Variants in FAM107B observed in about 807,000 individuals in gnomAD.
FAM107B encodes family with sequence similarity 107 member B.
Under a neutral mutation model 31.5 loss-of-function variants are expected in FAM107B, and 21 were observed. The ratio of observed to expected loss-of-function variants is 0.67; its 90% CI spans 0.47 to 0.96. The LOEUF (loss-of-function observed/expected upper bound fraction) is 0.96. Ranked by LOEUF, FAM107B falls within the 40% of genes least tolerant of loss-of-function variation. FAM107B has a pLI of 0.00. For synonymous variants in FAM107B, 157 were observed against 141.5 expected (o/e 1.11, Z -0.78); for missense variants, 452 against 377.1 (o/e 1.20, Z -1.64).
intron 2 of FAM107B, among the ~76,000 whole-genome samples, chr10:14,648,338 A>T (rs751822519): frequency 2.0e-5 from 3 of 152,238 alleles, no homozygotes; most frequent in Non-Finnish European, 4.4e-5. Flanking sequence ...AGGCAGCATG[A>T]ACGAGGGGAA....
At chr10:14,527,470 C>T (rs1158616106) in intron 3 of FAM107B, among the ~76,000 whole-genome samples, 1 of 152,238 alleles carries the variant, frequency 6.6e-6, no homozygotes, top group East Asian at 1.9e-4. Flanking sequence ...AACTGAACTG[C>T]CATAGAGCTT....
At chr10:14,626,401 T>A (rs1853162684) in intron 2 of FAM107B, among the ~76,000 whole-genome samples, 2 of 152,074 alleles carry the variant, frequency 1.3e-5, no homozygotes, top group South Asian at 4.1e-4. Context: ...AAGAGCATAC[T>A]CTCTCACAAT....
At chr10:14,687,206 A>G (rs543557944) in intron 1 of FAM107B, among the ~76,000 whole-genome samples, 1 of 152,348 alleles carries the variant, frequency 6.6e-6, no homozygotes, top group African/African-American at 2.4e-5. Context: ...CAGGAGACAC[A>G]TGTTCCCGTA....
chr10:14,762,752 T>TCACA lies in FAM107B; in HGVS notation c.411+11500_411+11501insTGTG, dbSNP rs1491112835. 2.1e-3 allele frequency among the ~76,000 whole-genome samples: 247 copies of TCACA among 117,570 alleles called. 2 individuals are homozygous for TCACA. The highest frequency in any genetic ancestry group is 0.01 in the Middle Eastern group (2 of 192). 77.1% of individuals were successfully genotyped at this position (117,570 alleles called of 152,430 possible). ...GCCTGGGAGACAGAGTGAAACTCTG[T>TCACA]CTCACACACACACACACACACACAC... is the stretch of plus-strand genomic sequence containing the variant. On this transcript the variant is annotated intron_variant, in intron 1 of 4. Coordinates refer to ENST00000181796, the MANE Select transcript of FAM107B (RefSeq NM_031453.4).
intron 2 of FAM107B, among the ~76,000 whole-genome samples, chr10:14,582,661 G>C (rs1178556017): frequency 6.6e-6 from 1 of 152,058 alleles, no homozygotes; most frequent in African/African-American, 2.4e-5. Flanking sequence ...ACAGGCGTGA[G>C]CCACCACACC....
chr10:14,624,626 A>G (rs1053036586), intron 2 of FAM107B, among the ~76,000 whole-genome samples: 5 of 151,298 alleles, frequency 3.3e-5, no homozygotes, highest in African/African-American at 1.2e-4. Flanking sequence ...ACAGAGCAAG[A>G]CTCCGTTTCA....
chr10:14,632,655 A>G (rs1020574503), intron 2 of FAM107B, among the ~76,000 whole-genome samples: 4 of 152,002 alleles, frequency 2.6e-5, no homozygotes, highest in African/African-American at 9.7e-5. Flanking sequence ...TCGTCTAAGA[A>G]TTATTACGTA....
chr10:14,617,019 G>A (rs1852871866), intron 2 of FAM107B, among the ~76,000 whole-genome samples: 1 of 151,840 alleles, frequency 6.6e-6, no homozygotes, highest in African/African-American at 2.4e-5. Context: ...ATAAGGAAGA[G>A]AAGAAAAAGG....
chr10:14,574,453 T>G (rs1352130711), intron 2 of FAM107B, among the ~76,000 whole-genome samples: 1 of 152,230 alleles, frequency 6.6e-6, no homozygotes, highest in African/African-American at 2.4e-5. Context: ...TGCTCCCACA[T>G]ACACTTGCAG....
intron 2 of FAM107B, among the ~76,000 whole-genome samples, chr10:14,601,966 G>A (rs1367586281): frequency 6.6e-6 from 1 of 152,184 alleles, no homozygotes; most frequent in African/African-American, 2.4e-5. Flanking sequence ...CCCACATCAG[G>A]AACAAGATTT....
intron 2 of FAM107B, among the ~76,000 whole-genome samples, chr10:14,663,887 CAAAAAAA>C (rs3035297): frequency 0.086 from 6,902 of 80,302 alleles, 214 homozygotes; most frequent in South Asian, 0.16. Context: ...GATCATCAGC[CAAAAAAA>C]AAAAAAAAAA....
chr10:14,718,564 G>A (rs1855836368), intron 1 of FAM107B, among the ~76,000 whole-genome samples: 1 of 151,216 alleles, frequency 6.6e-6, no homozygotes, highest in Non-Finnish European at 1.5e-5. Flanking sequence ...AGGAAGGAAG[G>A]AATTTGAATC....
chr10:14,573,962 C>CTGCTCCTTG (rs1851383111), intron 2 of FAM107B, among the ~76,000 whole-genome samples: 2 of 151,070 alleles, frequency 1.3e-5, no homozygotes, highest in South Asian at 4.2e-4. Context: ...TCTGCTCTTT[C>CTGCTCCTTG]TCTCATAATC....
chr10:14,534,337 G>C (rs1243010517), intron 2 of FAM107B, among the ~76,000 whole-genome samples: 2 of 152,072 alleles, frequency 1.3e-5, no homozygotes, highest in East Asian at 1.9e-4. Context: ...GAACCATGTG[G>C]GATCTGGGTT....
chr10:14,522,273 A>G (rs1285911742), intron 3 of FAM107B: 2 of 466,212 alleles, frequency 4.3e-6, no homozygotes. Flanking sequence ...CATGTGCAAG[A>G]CACTAGGCTA....
rs527706367 is a variant in FAM107B at position 14,763,687 on chromosome 10, G to A, written c.411+10566C>T. Among the ~76,000 whole-genome samples the A allele has an allele frequency of 2.6e-5, 4 of 152,150 alleles. No individual in the cohort carries two copies. The East Asian group carries it at 7.7e-4, about 29-fold the overall frequency. On this transcript the variant is annotated intron_variant, in intron 1 of 4. Coordinates refer to ENST00000181796, the MANE Select transcript of FAM107B (RefSeq NM_031453.4). ...ACCTGGGGATGAAAGCCATCTGGGA[G>A]ATCCATCACCTCCCCAAGTACCAGG... is the stretch of plus-strand genomic sequence containing the variant.
chr10:14,669,470 A>G (rs1854490947), intron 1 of FAM107B, among the ~76,000 whole-genome samples: 1 of 152,168 alleles, frequency 6.6e-6, no homozygotes, highest in South Asian at 2.1e-4. Flanking sequence ...CTATTCACAA[A>G]GATATGGAAT....
rs565678012 is a variant in FAM107B, at chr10:14,616,940, A to G, written c.469+50694T>C. Among the ~76,000 whole-genome samples, 85 of 151,578 alleles carry G rather than the reference A, an allele frequency of 5.6e-4. 3 individuals carry two copies. The highest frequency in any genetic ancestry group is 4.9e-3 in the Admixed American group (75 of 15,192). On this transcript the variant is annotated intron_variant, in intron 2 of 4. Coordinates refer to ENST00000181796, the MANE Select transcript of FAM107B (RefSeq NM_031453.4). ...TCTCAAAAAGATAAAAATAAAATAAAAGAGAGAGAGAGAGAGTAAGGAAAG... is the reference window on the plus strand; with the variant it reads ...TCTCAAAAAGATAAAAATAAAATAAGAGAGAGAGAGAGAGAGTAAGGAAAG...
chr10:14,558,413 C>T lies in FAM107B; in HGVS notation c.470-27898G>A, dbSNP rs188308548. Among the ~76,000 whole-genome samples the T allele has an allele frequency of 2.0e-3, 307 of 152,306 alleles. 1 individual carries two copies. The highest frequency in any genetic ancestry group is 6.9e-3 in the African/African-American group (287 of 41,584). ...TTTCACCCTGAGGTGTAAAATAATT[C>T]CTTGACCTTCCTATAGATGCTAAAA... is the stretch of plus-strand genomic sequence containing the variant. On this transcript the variant is annotated intron_variant, in intron 2 of 4. Transcript: ENST00000181796.
Sources: gnomAD v4.1 joint callset for allele counts (sites outside exome capture counted in the v4.1 genomes callset) on GRCh38, gnomAD v4.1.1 for gene constraint, MANE v1.5 for transcripts, NCBI Gene and HGNC (gene_info 2026-07-23, HGNC 2026-07-21) for gene names.